USP54: variants seen among roughly 807,000 people sequenced by gnomAD.
USP54 encodes ubiquitin carboxyl-terminal hydrolase 54.
In USP54, 87 loss-of-function variants were observed where a neutral mutation model predicts 170.5. The observed-to-expected ratio is 0.51, with a 90% CI of 0.43 to 0.61. The LOEUF (loss-of-function observed/expected upper bound fraction) is 0.61. USP54 is among the 20% of genes least tolerant of loss of function. The probability of loss-of-function intolerance (pLI) is 0.00; values close to 1 mark genes in which losing one functional copy is unlikely to be tolerated. For missense variants in USP54, 1,786 were observed against 2,047.8 expected (o/e 0.87, Z 2.47); for synonymous variants, 655 against 742.8 (o/e 0.88, Z 1.92).
chr10:73,580,384 C>A (rs1047262770), intron 1 of USP54, among the ~76,000 whole-genome samples: 2 of 150,914 alleles, frequency 1.3e-5, no homozygotes, highest in African/African-American at 4.9e-5. Flanking sequence ...GCAGTTACTT[C>A]TAAACTTAAA....
Position 73,545,686 on chromosome 10 carries a change from G to A in USP54, c.241-14C>T, listed in dbSNP as rs761346029. The A allele has an allele frequency of 2.5e-6, 4 of 1,612,590 alleles. No homozygotes were observed. Among genetic ancestry groups the A allele is most frequent in the South Asian group, 1.1e-5 (1 of 90,968 alleles). On this transcript the variant is annotated splice_polypyrimidine_tract_variant and intron_variant, in intron 4 of 23. Coordinates refer to ENST00000687698, the MANE Select transcript of USP54 (RefSeq NM_001391956.1). ...GTTAAAGATTCCCTATAGGGAAGAG[G>A]TTAGACAAGAGAAAAAGTACAATGC...
intron 15 of USP54, among the ~76,000 whole-genome samples, chr10:73,527,996 C>T (rs912639903): frequency 1.3e-5 from 2 of 152,096 alleles, no homozygotes; most frequent in South Asian, 2.1e-4. Context: ...AGTGCAGTGA[C>T]GTGATCTTGG....
rs2061624430 is a variant in USP54 at position 73,519,777 on chromosome 10, A to T, written c.2678+20T>A. The T allele has an allele frequency of 6.2e-7, 1 of 1,613,288 alleles. No individual in the cohort carries two copies. The highest frequency in any genetic ancestry group is 8.5e-7 in the Non-Finnish European group (1 of 1,179,840). ...TTCTTCCCCTGGCATTCATAAACTA[A>T]CATGGTTCCCAAGCACTACCTTGTT... On this transcript the variant is annotated intron_variant, in intron 19 of 23. Transcript: ENST00000687698.
intron 1 of USP54, among the ~76,000 whole-genome samples, chr10:73,589,098 AGG>A (rs1276929912): frequency 6.6e-6 from 1 of 152,262 alleles, no homozygotes. Context: ...TTAGAATACA[AGG>A]TAGAAAGTTA....
chr10:73,586,383 C>A (rs1021641459), intron 1 of USP54, among the ~76,000 whole-genome samples: 1 of 152,228 alleles, frequency 6.6e-6, no homozygotes, highest in East Asian at 1.9e-4. Flanking sequence ...CAATTTATTT[C>A]ATCCTCCTCT....
chr10:73,512,916 TCA>T (rs2060440250), intron 20 of USP54, among the ~76,000 whole-genome samples: 1 of 151,982 alleles, frequency 6.6e-6, no homozygotes, highest in Non-Finnish European at 1.5e-5. Flanking sequence ...TCCCAACTAC[TCA>T]AGGGGCTGAG....
At chr10:73,610,263 A>C (rs1185267977) in intron 1 of USP54, among the ~76,000 whole-genome samples, 3 of 152,180 alleles carry the variant, frequency 2.0e-5, no homozygotes, top group African/African-American at 7.2e-5. Flanking sequence ...TCTCAGGAGA[A>C]ACTTAGAAAT....
At position 73,516,399 on chromosome 10, in the gene USP54, C is replaced by A; in HGVS notation, c.4027G>T (p.Ala1343Ser). The change falls in exon 20 of 24, where the codon GCC (alanine) becomes TCC (serine). Residue 1343 changes from alanine (A) to serine (S), a missense_variant. This residue lies in a region of USP54 where 1,418 missense variants were observed against 1,569.0 expected (regional missense o/e 0.90). Coordinates refer to ENST00000687698, the MANE Select transcript of USP54 (RefSeq NM_001391956.1). ...CCTGTTTGGCTAAGTGGGTGCCAGG[C>A]GGTATCCTGCTGCCCCCATCCAGAA... Reference protein sequence around the residue: ...GCSGWGQQDTAWHPLSQTGSA... With the variant: ...GCSGWGQQDTSWHPLSQTGSA... The A allele has an allele frequency of 6.2e-7, 1 of 1,612,406 alleles. No individual in the cohort carries two copies. Among genetic ancestry groups the A allele is most frequent in the Non-Finnish European group, 8.5e-7 (1 of 1,179,314 alleles).
intron 1 of USP54, among the ~76,000 whole-genome samples, chr10:73,599,337 G>A (rs1233823856): frequency 6.6e-6 from 1 of 152,100 alleles, no homozygotes; most frequent in Non-Finnish European, 1.5e-5. Context: ...TAGAAGTAAT[G>A]AAATTCAAAA....
chr10:73,503,709 A>G (rs1252306782), intron 22 of USP54, among the ~76,000 whole-genome samples: 1 of 152,170 alleles, frequency 6.6e-6, no homozygotes, highest in Non-Finnish European at 1.5e-5. Context: ...GAAACTTACT[A>G]TAAATTCGGC....
At chr10:73,606,498 C>T (rs2079641966) in intron 1 of USP54, 1 of 152,110 alleles carries the variant, frequency 6.6e-6, no homozygotes, top group Admixed American at 6.6e-5. Context: ...GAGAGAGAAA[C>T]ACTCTAAATT....
intron 1 of USP54, among the ~76,000 whole-genome samples, chr10:73,622,269 C>T (rs919185290): frequency 6.6e-6 from 1 of 151,640 alleles, no homozygotes; most frequent in East Asian, 1.9e-4. Flanking sequence ...TGAATGTTAT[C>T]TATTATTATT....
At chr10:73,564,340 G>C (rs2073806146) in intron 4 of USP54, among the ~76,000 whole-genome samples, 1 of 152,120 alleles carries the variant, frequency 6.6e-6, no homozygotes. Context: ...GTATGAAATA[G>C]GAAACTAATT....
intron 1 of USP54, among the ~76,000 whole-genome samples, chr10:73,601,001 T>C (rs1348026341): frequency 6.6e-6 from 1 of 152,226 alleles, no homozygotes; most frequent in African/African-American, 2.4e-5. Context: ...AGTTTACCTA[T>C]ATAGCAAACC....
At chr10:73,515,294 C>T (rs1262850539) in intron 20 of USP54, among the ~76,000 whole-genome samples, 3 of 151,768 alleles carry the variant, frequency 2.0e-5, no homozygotes, top group Non-Finnish European at 4.4e-5. Context: ...AAAAAAAAAG[C>T]CAGTTCTCTC....
chr10:73,546,576 C>T (rs982572188), intron 4 of USP54: 3 of 152,086 alleles, frequency 2.0e-5, no homozygotes, highest in East Asian at 1.9e-4. Flanking sequence ...CTCATGCAGT[C>T]CTCTCACCTT....
chr10:73,516,617 C>T lies in USP54; in HGVS notation c.3809G>A (p.Cys1270Tyr). 2 of 1,614,236 alleles carry T rather than the reference C, an allele frequency of 1.2e-6. No individual in the cohort carries two copies. The highest frequency in any genetic ancestry group is 1.7e-6 in the Non-Finnish European group (2 of 1,180,056). ...TGCCCCATGCTTAAGCTGAGAATCA[C>T]AGAACCTTGTGATATTCACCCAGGA... ...LDSWVNITRFCDSQLKHGAPR... is the reference protein window; with the variant it reads ...LDSWVNITRFYDSQLKHGAPR... Residue 1270 changes from cysteine to tyrosine, a missense_variant, in exon 20 of 24, where the codon TGT becomes TAT. Cys to Tyr is a radical substitution (Grantham distance 194). Around this residue, in one of 3 missense-constraint regions of USP54, gnomAD observed 1,418 missense variants for 1,569.0 expected, o/e 0.90. Transcript: ENST00000687698.
chr10:73,550,644 C>T (rs1412520259), intron 4 of USP54, among the ~76,000 whole-genome samples: 1 of 151,890 alleles, frequency 6.6e-6, no homozygotes, highest in African/African-American at 2.4e-5. Context: ...TTAAATGAAT[C>T]AATTAATCAT....
intron 1 of USP54, among the ~76,000 whole-genome samples, chr10:73,615,994 G>GCC (rs1165481509): frequency 6.7e-6 from 1 of 149,486 alleles, no homozygotes; most frequent in Non-Finnish European, 1.5e-5. Flanking sequence ...ATTACTTGAG[G>GCC]CCAGGAGTTC....
Sources: allele counts gnomAD v4.1 joint callset (sites outside exome capture counted in the v4.1 genomes callset), GRCh38; gene constraint gnomAD v4.1.1; regional missense constraint gnomAD v4.1.1; transcripts MANE v1.5; gene names NCBI Gene and HGNC (gene_info 2026-07-23, HGNC 2026-07-21).